PLXDC2: variants seen among roughly 807,000 people sequenced by gnomAD.
The protein encoded by PLXDC2 is plexin domain-containing protein 2.
Under a neutral mutation model 68.9 loss-of-function variants are expected in PLXDC2, and 40 were observed. The observed-to-expected ratio is 0.58, with a 90% CI of 0.45 to 0.76. The LOEUF is 0.76. PLXDC2 is among the 30% of genes least tolerant of loss of function. PLXDC2 has a pLI of 0.00. For missense variants in PLXDC2, 644 were observed against 661.9 expected (o/e 0.97, Z 0.30); for synonymous variants, 243 against 234.2 (o/e 1.04, Z -0.34).
chr10:19,994,312 A>ATTTTTTTTTTTTTTTTTTTTTT (rs869124443), intron 1 of PLXDC2, among the ~76,000 whole-genome samples: 15 of 34,324 alleles, frequency 4.4e-4, no homozygotes, highest in Non-Finnish European at 6.4e-4. Flanking sequence ...ACATGATTAA[A>ATTTTTTTTTTTTTTTTTTTTTT]TTTTTTTTTT....
At chr10:20,005,566 C>A (rs1835013420) in intron 2 of PLXDC2, among the ~76,000 whole-genome samples, 1 of 152,232 alleles carries the variant, frequency 6.6e-6, no homozygotes, top group African/African-American at 2.4e-5. Flanking sequence ...GGAAGCATGG[C>A]TCCAGCATCT....
chr10:20,264,468 A>T (rs1835846376), intron 13 of PLXDC2, among the ~76,000 whole-genome samples: 1 of 152,142 alleles, frequency 6.6e-6, no homozygotes, highest in African/African-American at 2.4e-5. Flanking sequence ...ATCAAATAAA[A>T]ATTTTTTAAA....
At chr10:20,189,476 C>CATATATATATATATATATAG in intron 9 of PLXDC2, among the ~76,000 whole-genome samples, 1 of 75,784 alleles carries the variant, frequency 1.3e-5, no homozygotes. Context: ...AAAGGTAGGC[C>CATATATATATATATATATAG]ATATATATAT....
intron 1 of PLXDC2, among the ~76,000 whole-genome samples, chr10:19,938,046 C>A (rs1833758618): frequency 6.6e-6 from 1 of 152,150 alleles, no homozygotes; most frequent in Non-Finnish European, 1.5e-5. Context: ...CTCATAACCT[C>A]TATTTGCTTG....
intron 4 of PLXDC2, among the ~76,000 whole-genome samples, chr10:20,081,747 C>G (rs906987067): frequency 6.6e-6 from 1 of 152,048 alleles, no homozygotes; most frequent in Non-Finnish European, 1.5e-5. Flanking sequence ...TAAATAAAAA[C>G]AGGAGAAGTC....
At chr10:19,902,051 C>G (rs931940485) in intron 1 of PLXDC2, among the ~76,000 whole-genome samples, 1 of 152,140 alleles carries the variant, frequency 6.6e-6, no homozygotes. Flanking sequence ...TACACCAGTA[C>G]CATGCTGTTT....
intron 13 of PLXDC2, among the ~76,000 whole-genome samples, chr10:20,254,413 C>A (rs1293047430): frequency 6.6e-6 from 1 of 152,160 alleles, no homozygotes; most frequent in Admixed American, 6.5e-5. Flanking sequence ...TGTGGACAAA[C>A]CTATGTAGTT....
intron 4 of PLXDC2, among the ~76,000 whole-genome samples, chr10:20,126,063 CAT>C (rs1215677592): frequency 6.8e-6 from 1 of 147,416 alleles, no homozygotes; most frequent in African/African-American, 2.5e-5. Flanking sequence ...CATATATACA[CAT>C]ATTTAATAGT....
chr10:20,055,831 C>T (rs1278377726), intron 3 of PLXDC2, among the ~76,000 whole-genome samples: 1 of 152,060 alleles, frequency 6.6e-6, no homozygotes, highest in Non-Finnish European at 1.5e-5. Context: ...ACTATTCATA[C>T]TTTTGCTCTA....
At chr10:19,985,703 TA>T (rs1227413213) in intron 1 of PLXDC2, among the ~76,000 whole-genome samples, 2 of 152,222 alleles carry the variant, frequency 1.3e-5, no homozygotes, top group Non-Finnish European at 2.9e-5. Context: ...TGTTTGCTTT[TA>T]TCAAGTGAGC....
rs1468978299 is a variant in PLXDC2 at position 20,285,554 on chromosome 10, T to G, written c.*5735T>G. On this transcript the variant is annotated 3_prime_UTR_variant, in exon 14 of 14. Coordinates refer to ENST00000377252, the MANE Select transcript of PLXDC2 (RefSeq NM_032812.9). ...GTCTGAAACATAATATATCACTGCATGTCTGTGCTGTAGACCTGTTAATTT... is the reference window on the plus strand; with the variant it reads ...GTCTGAAACATAATATATCACTGCAGGTCTGTGCTGTAGACCTGTTAATTT... 6.6e-6 allele frequency: 1 copy of G among 152,214 alleles called. No homozygotes were observed. The highest frequency in any genetic ancestry group is 1.5e-5 in the Non-Finnish European group (1 of 68,032). The allele number at this position is 152,214 out of a possible 1,614,324, so 9.4% of individuals were successfully genotyped here.
intron 1 of PLXDC2, among the ~76,000 whole-genome samples, chr10:19,874,038 G>C (rs1837591103): frequency 6.6e-6 from 1 of 152,114 alleles, no homozygotes; most frequent in Non-Finnish European, 1.5e-5. Flanking sequence ...GTTCAGCAAG[G>C]TTGTCAATAG....
chr10:20,122,435 A>G (rs913247376), intron 4 of PLXDC2, among the ~76,000 whole-genome samples: 6 of 152,232 alleles, frequency 3.9e-5, no homozygotes, highest in Admixed American at 6.5e-5. Context: ...TTCAGCCACT[A>G]AGCCAAGAAG....
chr10:19,843,774 G>A (rs1248392648), intron 1 of PLXDC2, among the ~76,000 whole-genome samples: 1 of 152,182 alleles, frequency 6.6e-6, no homozygotes, highest in Non-Finnish European at 1.5e-5. Flanking sequence ...TGGGAAGAGT[G>A]TGTGGGTGGT....
chr10:20,001,172 A>T (rs1163550275), intron 1 of PLXDC2, among the ~76,000 whole-genome samples: 3 of 152,182 alleles, frequency 2.0e-5, no homozygotes, highest in Non-Finnish European at 4.4e-5. Context: ...AAGTGCAGGG[A>T]TGACTCCTGA....
chr10:19,931,051 T>C (rs1284842357), intron 1 of PLXDC2, among the ~76,000 whole-genome samples: 1 of 152,184 alleles, frequency 6.6e-6, no homozygotes, highest in Non-Finnish European at 1.5e-5. Flanking sequence ...GTTTGCTGAA[T>C]GATGGGATTC....
At chr10:20,238,668 T>TAC (rs1554777553) in intron 12 of PLXDC2, among the ~76,000 whole-genome samples, 1 of 96,758 alleles carries the variant, frequency 1.0e-5, no homozygotes, top group Admixed American at 1.1e-4. Context: ...AAAAAATATA[T>TAC]ATATATATGT....
intron 13 of PLXDC2, among the ~76,000 whole-genome samples, chr10:20,253,986 T>G (rs1835711357): frequency 6.6e-6 from 1 of 152,036 alleles, no homozygotes; most frequent in South Asian, 2.1e-4. Context: ...TTTGTTGGAG[T>G]CAAGTCCAAG....
intron 13 of PLXDC2, among the ~76,000 whole-genome samples, chr10:20,246,292 C>T (rs1305056302): frequency 6.6e-6 from 1 of 152,180 alleles, no homozygotes; most frequent in Middle Eastern, 3.2e-3. Flanking sequence ...GTCTGTGTGA[C>T]GAAGTCACCT....
Sources: gnomAD v4.1 joint callset for allele counts (sites outside exome capture counted in the v4.1 genomes callset) on GRCh38, gnomAD v4.1.1 for gene constraint, MANE v1.5 for transcripts, NCBI Gene and HGNC (gene_info 2026-07-23, HGNC 2026-07-21) for gene names.